ABCA1: variants seen among roughly 807,000 people sequenced by gnomAD.
ABCA1 encodes ATP binding cassette subfamily A member 1, also known as phospholipid-transporting ATPase ABCA1.
Under a neutral mutation model 262.5 loss-of-function variants are expected in ABCA1, and 133 were observed. The observed-to-expected ratio is 0.51, with a 90% confidence interval of 0.44 to 0.59. The LOEUF is 0.59. Among genes scored for constraint, ABCA1 ranks in the 20% least tolerant of loss-of-function variants. The pLI is 0.00. For synonymous variants in ABCA1, 1,022 were observed against 1,043.5 expected (o/e 0.98, Z 0.40); for missense variants, 2,452 against 2,777.5 (o/e 0.88, Z 2.63).
At chr9:104,883,506 G>C (rs557508269) in intron 4 of ABCA1, among the ~76,000 whole-genome samples, 7 of 152,184 alleles carry the variant, frequency 4.6e-5, no homozygotes, top group Non-Finnish European at 8.8e-5. Flanking sequence ...CTGGGCCTGG[G>C]ATACTCTTAA....
In ABCA1 at chr9:104,793,302, T is replaced by C; in HGVS notation, c.5507-2A>G. On this transcript the variant is annotated splice_acceptor_variant, in intron 40 of 49. Transcript: ENST00000374736. LOFTEE classifies it high-confidence loss of function. Reference sequence around the variant, plus strand: ...ATGGTGACACAAAGCGATTCTCCCCTAGTAGACACAATGCAGAGATCCGGT... The same window carrying C: ...ATGGTGACACAAAGCGATTCTCCCCCAGTAGACACAATGCAGAGATCCGGT... 6.2e-7 allele frequency: 1 copy of C among 1,614,120 alleles called. No homozygotes were observed. Among genetic ancestry groups the C allele is most frequent in the African/African-American group, 1.3e-5 (1 of 75,022 alleles).
intron 5 of ABCA1, among the ~76,000 whole-genome samples, chr9:104,881,380 G>C (rs1381402787): frequency 6.6e-6 from 1 of 152,068 alleles, no homozygotes; most frequent in African/African-American, 2.4e-5. Context: ...TACTACATTA[G>C]GTTTTATAGT....
At chr9:104,888,103 T>C (rs1201065316) in intron 3 of ABCA1, among the ~76,000 whole-genome samples, 2 of 150,020 alleles carry the variant, frequency 1.3e-5, no homozygotes, top group Non-Finnish European at 2.9e-5. Context: ...AATATGACTA[T>C]GTGTGATGTG....
chr9:104,895,923 T>C (rs536956398), intron 2 of ABCA1, among the ~76,000 whole-genome samples: 1 of 152,302 alleles, frequency 6.6e-6, no homozygotes, highest in East Asian at 1.9e-4. Context: ...AATTGGGCCT[T>C]AGGCAAGAGG....
At chr9:104,822,770 C>T (rs1484915180) in intron 18 of ABCA1, 103 bp from the exon 19 acceptor site, 2 of 1,321,864 alleles carry the variant, frequency 1.5e-6, no homozygotes, top group Non-Finnish European at 2.1e-6. Context: ...TGCCTTCTCT[C>T]CATGTCCACC....
intron 1 of ABCA1, among the ~76,000 whole-genome samples, chr9:104,924,575 G>A (rs1464640529): frequency 6.7e-6 from 1 of 149,086 alleles, no homozygotes; most frequent in Non-Finnish European, 1.5e-5. Flanking sequence ...ATTCTACTGC[G>A]CTCCAGCCTA....
At chr9:104,811,725 T>C (rs1266043681) in intron 28 of ABCA1, among the ~76,000 whole-genome samples, 1 of 152,230 alleles carries the variant, frequency 6.6e-6, no homozygotes, top group East Asian at 1.9e-4. Flanking sequence ...TAATTCTGTA[T>C]AACAACTACT....
At chr9:104,824,412 G>T in intron 18 of ABCA1, 53 bp downstream of exon 18, 2 of 1,611,738 alleles carry the variant, frequency 1.2e-6, no homozygotes, top group Non-Finnish European at 8.5e-7. Flanking sequence ...CCAACAGTTA[G>T]CAGAGGCAGC....
intron 8 of ABCA1, among the ~76,000 whole-genome samples, chr9:104,841,788 C>T (rs937135483): frequency 1.3e-5 from 2 of 152,262 alleles, no homozygotes; most frequent in Non-Finnish European, 2.9e-5. Flanking sequence ...TGCCACTCAA[C>T]AGGCATCAAT....
intron 1 of ABCA1, among the ~76,000 whole-genome samples, chr9:104,918,379 T>A (rs1841960007): frequency 6.6e-6 from 1 of 152,186 alleles, no homozygotes; most frequent in African/African-American, 2.4e-5. Flanking sequence ...CGAGCATGTG[T>A]CTTATAATCC....
intron 46 of ABCA1, 43 bp from the exon 47 acceptor site, chr9:104,787,019 A>G: frequency 1.3e-6 from 2 of 1,548,972 alleles, no homozygotes; most frequent in Non-Finnish European, 8.8e-7. Context: ...GGGGGGAAAA[A>G]AAATCAAAGA....
chr9:104,853,607 A>C (rs750409665), intron 7 of ABCA1, among the ~76,000 whole-genome samples: 13 of 152,208 alleles, frequency 8.5e-5, no homozygotes, highest in Non-Finnish European at 1.9e-4. Flanking sequence ...GCTGGTATAA[A>C]GCAGACATAC....
At chr9:104,880,875 G>A (rs1838582767) in intron 5 of ABCA1, among the ~76,000 whole-genome samples, 1 of 152,190 alleles carries the variant, frequency 6.6e-6, no homozygotes, top group South Asian at 2.1e-4. Flanking sequence ...AGAAGGCCAG[G>A]CATGGTGGCT....
intron 14 of ABCA1, among the ~76,000 whole-genome samples, chr9:104,830,363 G>C (rs1220488655): frequency 6.6e-6 from 1 of 152,154 alleles, no homozygotes; most frequent in Non-Finnish European, 1.5e-5. Context: ...TGCAGATTGA[G>C]CAAATTTTGA....
chr9:104,840,590 G>A, intron 8 of ABCA1, 71 bp from the exon 9 acceptor site: 1 of 1,439,396 alleles, frequency 6.9e-7, no homozygotes, highest in Non-Finnish European at 9.5e-7. Context: ...GGTTGGGGAT[G>A]AGAAGAGAAA....
chr9:104,789,889 C>T (rs150725758), intron 44 of ABCA1, among the ~76,000 whole-genome samples: 1 of 151,948 alleles, frequency 6.6e-6, no homozygotes, highest in African/African-American at 2.4e-5. Context: ...AGGTCAGGAG[C>T]TCGAGACCAG....
chr9:104,798,656 C>T (rs1588227290), intron 36 of ABCA1, 58 bp from the exon 37 acceptor site: 1 of 1,477,550 alleles, frequency 6.8e-7, no homozygotes, highest in East Asian at 2.3e-5. Flanking sequence ...AGGGCTCAAT[C>T]AGTGAGGACA....
intron 1 of ABCA1, 137 bp from the exon 2 acceptor site, chr9:104,903,908 C>T: frequency 1.7e-6 from 1 of 598,264 alleles, no homozygotes; most frequent in Non-Finnish European, 3.0e-6. Context: ...CTCAATGGAT[C>T]ATGAGTCACC....
intron 36 of ABCA1, chr9:104,799,377 C>T (rs1830144194): frequency 4.7e-6 from 4 of 847,924 alleles, no homozygotes; most frequent in Non-Finnish European, 5.6e-6. Context: ...TAAACTAGCT[C>T]ATCCTGGCTT....
Sources: allele counts gnomAD v4.1 joint callset (sites outside exome capture counted in the v4.1 genomes callset), GRCh38; gene constraint gnomAD v4.1.1; transcripts MANE v1.5; gene names NCBI Gene and HGNC (gene_info 2026-07-23, HGNC 2026-07-21).